DHRS7B: variants seen among roughly 807,000 people sequenced by gnomAD.
The protein encoded by DHRS7B is dehydrogenase/reductase 7B.
A neutral mutation model predicts 26.4 loss-of-function variants in DHRS7B; 24 were observed. The ratio of observed to expected loss-of-function variants is 0.91; its 90% CI spans 0.66 to 1.28. DHRS7B has a LOEUF of 1.28. DHRS7B is among the 50% of genes most tolerant of loss of function. The pLI, the probability that DHRS7B is intolerant of heterozygous loss-of-function variation, is 0.00. For missense variants in DHRS7B, 368 were observed against 419.4 expected (o/e 0.88, Z 1.07); for synonymous variants, 142 against 166.4 (o/e 0.85, Z 1.13).
intron 1 of DHRS7B, among the ~76,000 whole-genome samples, chr17:21,141,465 C>T (rs1472567286): frequency 6.6e-6 from 1 of 151,804 alleles, no homozygotes; most frequent in Non-Finnish European, 1.5e-5. Context: ...AACACACACA[C>T]AAAACAGCAA....
chr17:21,162,744 T>C (rs948936654), intron 1 of DHRS7B, among the ~76,000 whole-genome samples: 1 of 152,188 alleles, frequency 6.6e-6, no homozygotes, highest in African/African-American at 2.4e-5. Flanking sequence ...GGATAGGAGT[T>C]ATCAAAGAGG....
intron 5 of DHRS7B, among the ~76,000 whole-genome samples, chr17:21,187,110 T>TATATATAA (rs1287323356): frequency 2.7e-5 from 4 of 148,156 alleles, no homozygotes; most frequent in Non-Finnish European, 5.9e-5. Flanking sequence ...TATATATATA[T>TATATATAA]ATAAAATATA....
chr17:21,142,636 A>C (rs950743356), intron 1 of DHRS7B, among the ~76,000 whole-genome samples: 1 of 152,120 alleles, frequency 6.6e-6, no homozygotes, highest in African/African-American at 2.4e-5. Context: ...AGTTCCATCC[A>C]GAAATGCAGG....
At chr17:21,159,629 T>C (rs1013795344) in intron 1 of DHRS7B, among the ~76,000 whole-genome samples, 1 of 151,956 alleles carries the variant, frequency 6.6e-6, no homozygotes, top group African/African-American at 2.4e-5. Flanking sequence ...TCCCAGCACT[T>C]TGGGAGGCCA....
intron 1 of DHRS7B, among the ~76,000 whole-genome samples, chr17:21,165,181 C>T (rs1164056481): frequency 6.6e-6 from 1 of 152,028 alleles, no homozygotes; most frequent in Non-Finnish European, 1.5e-5. Context: ...GGTCTTGTCC[C>T]CCTCCCCCAT....
intron 3 of DHRS7B, among the ~76,000 whole-genome samples, chr17:21,181,109 C>G (rs2144192076): frequency 6.6e-6 from 1 of 152,288 alleles, no homozygotes; most frequent in Non-Finnish European, 1.5e-5. Flanking sequence ...TTTTTAGAGA[C>G]ATAGTCTTGC....
chr17:21,140,906 C>G (rs955331060), intron 1 of DHRS7B, among the ~76,000 whole-genome samples: 2 of 151,010 alleles, frequency 1.3e-5, no homozygotes, highest in Non-Finnish European at 3.0e-5. Flanking sequence ...TCTTTTTTTT[C>G]TTAAAAGGGG....
intron 3 of DHRS7B, among the ~76,000 whole-genome samples, chr17:21,181,837 T>C (rs1348148066): frequency 4.6e-5 from 7 of 151,736 alleles, no homozygotes; most frequent in Non-Finnish European, 7.4e-5. Context: ...TTAACTCTTA[T>C]TAGCTTTTTG....
intron 1 of DHRS7B, among the ~76,000 whole-genome samples, chr17:21,161,698 G>A (rs1446583902): frequency 6.6e-6 from 1 of 152,184 alleles, no homozygotes; most frequent in Non-Finnish European, 1.5e-5. Context: ...ATTACTTACT[G>A]TATGACTGTC....
intron 1 of DHRS7B, among the ~76,000 whole-genome samples, chr17:21,130,765 T>C (rs757300353): frequency 6.6e-6 from 1 of 152,194 alleles, no homozygotes; most frequent in Non-Finnish European, 1.5e-5. Context: ...TCCATAATGT[T>C]GGATGGTGTA....
intron 1 of DHRS7B, among the ~76,000 whole-genome samples, chr17:21,148,950 A>G (rs899436534): frequency 1.3e-5 from 2 of 152,196 alleles, no homozygotes; most frequent in African/African-American, 4.8e-5. Flanking sequence ...TAAGAAAGAT[A>G]TAAATATTTG....
intron 2 of DHRS7B, among the ~76,000 whole-genome samples, chr17:21,173,019 TGTG>T (rs1294019935): frequency 6.6e-6 from 1 of 152,194 alleles, no homozygotes; most frequent in African/African-American, 2.4e-5. Flanking sequence ...TTCCCTGAAT[TGTG>T]GTGACCCCAC....
intron 2 of DHRS7B, among the ~76,000 whole-genome samples, chr17:21,177,541 G>A (rs557323909): frequency 7.9e-5 from 12 of 152,210 alleles, no homozygotes; most frequent in Admixed American, 6.5e-4. Flanking sequence ...ACTCCCTCCC[G>A]CCCAGCAGGA....
intron 2 of DHRS7B, among the ~76,000 whole-genome samples, chr17:21,175,939 A>G (rs1306513788): frequency 1.3e-5 from 2 of 152,142 alleles, no homozygotes; most frequent in South Asian, 4.1e-4. Flanking sequence ...AAAAAAAAAA[A>G]AAAAAAGTAA....
chr17:21,138,440 G>A (rs908515459), intron 1 of DHRS7B, among the ~76,000 whole-genome samples: 1 of 151,334 alleles, frequency 6.6e-6, no homozygotes. Flanking sequence ...AGCCAGGATG[G>A]TCTTGATCTC....
chr17:21,141,031 TTC>T (rs1328022025), intron 1 of DHRS7B, among the ~76,000 whole-genome samples: 1 of 152,134 alleles, frequency 6.6e-6, no homozygotes, highest in African/African-American at 2.4e-5. Context: ...ATGTCTCAGT[TTC>T]TCTCTCCAGA....
At chr17:21,166,501 C>G in intron 1 of DHRS7B, 2 of 980,854 alleles carry the variant, frequency 2.0e-6, no homozygotes, top group Non-Finnish European at 2.4e-6. Context: ...TTTTTCCAGT[C>G]GAAGGCGGCC....
At chr17:21,127,225 C>T (rs1040938591) in intron 1 of DHRS7B, 6 of 496,868 alleles carry the variant, frequency 1.2e-5, no homozygotes, top group Middle Eastern at 5.2e-4. Context: ...CGCCTGTCGC[C>T]GAGGTGTCTT....
intron 6 of DHRS7B, 80 bp from the exon 7 acceptor site, chr17:21,190,868 G>A (rs1348197005): frequency 1.4e-6 from 2 of 1,480,228 alleles, no homozygotes; most frequent in East Asian, 2.3e-5. Flanking sequence ...AGGCTGACCT[G>A]ACGACTCACA....
Sources: allele counts gnomAD v4.1 joint callset (sites outside exome capture counted in the v4.1 genomes callset), GRCh38; gene constraint gnomAD v4.1.1; transcripts MANE v1.5; gene names NCBI Gene and HGNC (gene_info 2026-07-23, HGNC 2026-07-21).